Variants in LINGO2 observed in about 807,000 individuals in gnomAD.
LINGO2 encodes leucine-rich repeat and immunoglobulin-like domain-containing nogo receptor-interacting protein 2.
Under a neutral mutation model 30.6 loss-of-function variants are expected in LINGO2, and 14 were observed. The observed-to-expected ratio is 0.46, with a 90% CI of 0.30 to 0.72. The LOEUF (loss-of-function observed/expected upper bound fraction) is 0.72. Among genes scored for constraint, LINGO2 ranks in the 30% least tolerant of loss-of-function variants. The probability of loss-of-function intolerance (pLI) is 0.07; values close to 1 mark genes in which losing one functional copy is unlikely to be tolerated. For synonymous variants in LINGO2, 317 were observed against 288.5 expected (o/e 1.10, Z -1.00); for missense variants, 729 against 751.7 (o/e 0.97, Z 0.35).
chr9:28,147,695 CG>C lies in LINGO2; in HGVS notation c.-86-135291del, dbSNP rs1031377545. Among the ~76,000 whole-genome samples, 1 of 152,108 alleles carries C rather than the reference CG, an allele frequency of 6.6e-6. No homozygotes were observed. The highest frequency in any genetic ancestry group is 2.4e-5 in the African/African-American group (1 of 41,442). ...CAGCCCCGCACCCCCAACAGCCCCA[CG>C]GGGGGGCCCGTCCAGGGCCACACAA... On this transcript the variant is annotated intron_variant, in intron 4 of 5. Coordinates refer to ENST00000379992, the Ensembl canonical transcript of LINGO2. This position sits in a 1 kb window ranked among gnomAD's most constrained non-coding sequence, Gnocchi z 4.7.
chr9:28,857,550 C>T, the LINGO2 span, among the ~76,000 whole-genome samples: 1 of 152,046 alleles, frequency 6.6e-6, no homozygotes. Context: ...ACTACTACCA[C>T]CTGACAGGTA....
intron 2 of LINGO2, among the ~76,000 whole-genome samples, chr9:28,388,069 T>G (rs1821668717): frequency 6.6e-6 from 1 of 152,198 alleles, no homozygotes; most frequent in African/African-American, 2.4e-5. Flanking sequence ...ACCAAAGGTA[T>G]AAAATAAACA....
the LINGO2 span, among the ~76,000 whole-genome samples, chr9:28,735,183 T>G: frequency 6.6e-6 from 1 of 152,146 alleles, no homozygotes; most frequent in Non-Finnish European, 1.5e-5. Context: ...AGAGACAGGG[T>G]AGAGAAGAGT....
chr9:28,064,611 C>A (rs549128360), intron 4 of LINGO2, among the ~76,000 whole-genome samples: 8 of 152,052 alleles, frequency 5.3e-5, no homozygotes, highest in African/African-American at 1.9e-4. Context: ...TTAATTAACC[C>A]CTGGAGAGCT....
intron 2 of LINGO2, among the ~76,000 whole-genome samples, chr9:28,396,004 C>A (rs1308882217): frequency 6.6e-6 from 1 of 152,074 alleles, no homozygotes; most frequent in African/African-American, 2.4e-5. Context: ...ATAGGAGTAT[C>A]CATTGGGCAG....
the LINGO2 span, among the ~76,000 whole-genome samples, chr9:28,760,996 A>G: frequency 7.4e-6 from 1 of 135,822 alleles, no homozygotes; most frequent in Non-Finnish European, 1.6e-5. Flanking sequence ...CAGTTTCCTT[A>G]TCCACTCACT....
chr9:28,217,534 C>T (rs1820811513), intron 4 of LINGO2, among the ~76,000 whole-genome samples: 1 of 152,000 alleles, frequency 6.6e-6, no homozygotes, highest in East Asian at 1.9e-4. Flanking sequence ...GCAAACACCA[C>T]CATAGAAAAG....
the LINGO2 span, among the ~76,000 whole-genome samples, chr9:29,089,096 C>A: frequency 6.6e-6 from 1 of 151,884 alleles, no homozygotes; most frequent in Non-Finnish European, 1.5e-5. Context: ...ATATGATAAA[C>A]ATCAAAAGTA....
At position 28,291,813 on chromosome 9, in the gene LINGO2, G is replaced by T. The variant is rs553667637; in HGVS notation, c.-87+3395C>A. On this transcript the variant is annotated intron_variant, in intron 4 of 5. Coordinates refer to ENST00000379992, the Ensembl canonical transcript of LINGO2. ...AAATGATGGCAGAATTTCCAAATTT[G>T]AGAAAAAGTAATTCAACTTGTAGAC... Among the ~76,000 whole-genome samples the T allele has an allele frequency of 2.9e-4, 44 of 152,264 alleles. No individual in the cohort carries two copies. The South Asian group carries it at 9.1e-3, about 32-fold the overall frequency.
At chr9:28,778,759 T>C in the LINGO2 span, among the ~76,000 whole-genome samples, 2 of 152,298 alleles carry the variant, frequency 1.3e-5, no homozygotes, top group African/African-American at 2.4e-5. Context: ...TCTTGATAAG[T>C]AACTCTCTGA....
the LINGO2 span, among the ~76,000 whole-genome samples, chr9:28,841,665 G>A: frequency 2.0e-5 from 3 of 151,636 alleles, no homozygotes; most frequent in African/African-American, 7.3e-5. Context: ...TAGGAGGTGG[G>A]TGGGTTGGGA....
chr9:28,069,407 A>G (rs1441114459), intron 4 of LINGO2, among the ~76,000 whole-genome samples: 2 of 152,184 alleles, frequency 1.3e-5, no homozygotes, highest in African/African-American at 2.4e-5. Context: ...AGGTTTGTCT[A>G]TGGAGCTATT....
chr9:28,236,583 C>A (rs1486954956), intron 4 of LINGO2, among the ~76,000 whole-genome samples: 1 of 152,148 alleles, frequency 6.6e-6, no homozygotes, highest in East Asian at 1.9e-4. Flanking sequence ...TTTGCAACAA[C>A]ATGGACAGAA....
the LINGO2 span, among the ~76,000 whole-genome samples, chr9:29,031,370 T>C: frequency 6.6e-6 from 1 of 151,934 alleles, no homozygotes; most frequent in Non-Finnish European, 1.5e-5. Flanking sequence ...GTAACCTCCA[T>C]CTCCAGGGTT....
intron 4 of LINGO2, among the ~76,000 whole-genome samples, chr9:28,272,238 G>C (rs1179799162): frequency 6.6e-6 from 1 of 152,050 alleles, no homozygotes; most frequent in Non-Finnish European, 1.5e-5. Flanking sequence ...CTGACAACAG[G>C]GAGAACAGAT....
chr9:28,160,275 G>C (rs149165170), intron 4 of LINGO2, among the ~76,000 whole-genome samples: 1 of 152,160 alleles, frequency 6.6e-6, no homozygotes, highest in Non-Finnish European at 1.5e-5. Flanking sequence ...GATATCTTGA[G>C]AAAGAGCCTG....
Position 28,382,815 on chromosome 9 carries a change from T to G in LINGO2, c.-278-9947A>C, listed in dbSNP as rs1174545499. 3.3e-5 allele frequency among the ~76,000 whole-genome samples: 5 copies of G among 152,092 alleles called. 1 individual carries two copies. The highest frequency in any genetic ancestry group is 4.4e-5 in the Non-Finnish European group (3 of 67,984). The stretch of plus-strand genomic sequence containing the variant: ...TTAATCTGTAAAATGGGGATAGTAA[T>G]AAATAGTGTTTACCTCCCTGGATTA... On this transcript the variant is annotated intron_variant, in intron 2 of 5. Transcript: ENST00000379992.
At chr9:29,064,717 T>A in the LINGO2 span, among the ~76,000 whole-genome samples, 1 of 152,068 alleles carries the variant, frequency 6.6e-6, no homozygotes, top group Non-Finnish European at 1.5e-5. Flanking sequence ...TCAGGGTATT[T>A]TTCAGCAACT....
intron 1 of LINGO2, among the ~76,000 whole-genome samples, chr9:28,653,385 A>C (rs1420451546): frequency 6.6e-6 from 1 of 152,188 alleles, no homozygotes; most frequent in African/African-American, 2.4e-5. Flanking sequence ...TCACTCAGCC[A>C]CTTCTGCTCA....
Sources: allele counts gnomAD v4.1 joint callset (sites outside exome capture counted in the v4.1 genomes callset), GRCh38; gene constraint gnomAD v4.1.1; non-coding constraint Gnocchi (gnomAD v3.1); transcripts MANE v1.5; gene names NCBI Gene and HGNC (gene_info 2026-07-23, HGNC 2026-07-21).